TAFA1: variants seen among roughly 807,000 people sequenced by gnomAD.
The protein encoded by TAFA1 is chemokine-like protein TAFA-1.
A neutral mutation model predicts 18.5 loss-of-function variants in TAFA1; 4 were observed. The ratio of observed to expected loss-of-function variants is 0.22; its 90% CI spans 0.11 to 0.49. The LOEUF (loss-of-function observed/expected upper bound fraction) is 0.49. TAFA1 is among the 20% of genes least tolerant of loss of function. TAFA1 has a pLI of 0.98. For synonymous variants in TAFA1, 56 were observed against 55.2 expected, an observed-to-expected ratio of 1.01 and a Z score of -0.06; for missense variants, 147 against 169.0, an observed-to-expected ratio of 0.87 and a Z score of 0.72.
chr3:68,441,202 G>A (rs1275294782), intron 3 of TAFA1, among the ~76,000 whole-genome samples: 2 of 152,160 alleles, frequency 1.3e-5, no homozygotes, highest in Non-Finnish European at 2.9e-5. Context: ...CTGAAAGACT[G>A]CCGGTTTTGA....
intron 2 of TAFA1, among the ~76,000 whole-genome samples, chr3:68,289,293 C>T (rs1041182322): frequency 6.6e-6 from 1 of 152,136 alleles, no homozygotes; most frequent in African/African-American, 2.4e-5. Flanking sequence ...CTTTTGTTGA[C>T]TCTAAGTGCT....
chr3:68,288,011 C>G (rs1489529751), intron 2 of TAFA1, among the ~76,000 whole-genome samples: 1 of 151,736 alleles, frequency 6.6e-6, no homozygotes, highest in Non-Finnish European at 1.5e-5. Context: ...AGGCCACTGT[C>G]CAGGAGCCAT....
intron 2 of TAFA1, among the ~76,000 whole-genome samples, chr3:68,218,430 G>T (rs2066687970): frequency 6.6e-6 from 1 of 152,044 alleles, no homozygotes; most frequent in South Asian, 2.1e-4. Flanking sequence ...TTTCTGGCTT[G>T]TGACTGATTC....
intron 2 of TAFA1, among the ~76,000 whole-genome samples, chr3:68,397,148 T>A (rs186510541): frequency 1.3e-3 from 203 of 152,328 alleles, no homozygotes; most frequent in South Asian, 2.9e-3. Context: ...TTCTTTTTTT[T>A]AAATTTATTG....
At chr3:68,300,418 A>G (rs1353348214) in intron 2 of TAFA1, among the ~76,000 whole-genome samples, 3 of 152,116 alleles carry the variant, frequency 2.0e-5, no homozygotes, top group African/African-American at 7.2e-5. Flanking sequence ...CATTTACCCA[A>G]TGCCGCTACC....
chr3:68,192,260 C>A (rs141972326), intron 2 of TAFA1: 2 of 151,924 alleles, frequency 1.3e-5, no homozygotes, highest in Middle Eastern at 3.4e-3. Context: ...TAAATGAGGT[C>A]TTTTCCCCTC....
chr3:68,214,580 T>C (rs2066632666), intron 2 of TAFA1, among the ~76,000 whole-genome samples: 1 of 152,070 alleles, frequency 6.6e-6, no homozygotes, highest in Non-Finnish European at 1.5e-5. Context: ...TCTTTCTCAC[T>C]GTGTGACTTT....
chr3:68,015,407 C>T (rs1328069479), intron 2 of TAFA1, among the ~76,000 whole-genome samples: 1 of 151,964 alleles, frequency 6.6e-6, no homozygotes, highest in Non-Finnish European at 1.5e-5. Context: ...CTGCCTTAGC[C>T]TCCTGAGTAG....
intron 2 of TAFA1, among the ~76,000 whole-genome samples, chr3:68,046,578 A>G (rs1453276519): frequency 6.6e-6 from 1 of 152,164 alleles, no homozygotes; most frequent in Non-Finnish European, 1.5e-5. Flanking sequence ...AATGTTGGGT[A>G]AGTTGATTCT....
intron 2 of TAFA1, among the ~76,000 whole-genome samples, chr3:68,172,163 G>T (rs543869741): frequency 6.6e-6 from 1 of 152,072 alleles, no homozygotes; most frequent in African/African-American, 2.4e-5. Context: ...ATAAGTCATC[G>T]CCAAACTGTT....
intron 2 of TAFA1, among the ~76,000 whole-genome samples, chr3:68,374,192 G>C (rs952904179): frequency 6.6e-6 from 1 of 152,138 alleles, no homozygotes; most frequent in South Asian, 2.1e-4. Context: ...TAAGAGACCA[G>C]TCAGATGCGT....
At chr3:68,180,452 C>G (rs2066184160) in intron 2 of TAFA1, among the ~76,000 whole-genome samples, 1 of 152,146 alleles carries the variant, frequency 6.6e-6, no homozygotes. Flanking sequence ...TGAACGAGAA[C>G]AGCATCACAC....
At chr3:68,407,432 G>A (rs749731586) in intron 2 of TAFA1, among the ~76,000 whole-genome samples, 8 of 152,120 alleles carry the variant, frequency 5.3e-5, no homozygotes, top group Non-Finnish European at 1.0e-4. Flanking sequence ...AAATAAATAC[G>A]TTGTATTCTA....
rs565603068 is a variant in TAFA1 at position 68,469,654 on chromosome 3, G to A, written c.259+52234G>A. 4.5e-4 allele frequency among the ~76,000 whole-genome samples: 69 copies of A among 152,274 alleles called. 1 individual carries two copies. The highest frequency in any genetic ancestry group is 1.4e-3 in the African/African-American group (57 of 41,562). ...CACCACTGCACTCCAGCCTGGGCAAGAGAGTGAGACTCTGTCTCAAAAAAG... is the reference window on the plus strand; with the variant it reads ...CACCACTGCACTCCAGCCTGGGCAAAAGAGTGAGACTCTGTCTCAAAAAAG... On this transcript the variant is annotated intron_variant, in intron 3 of 4. Transcript: ENST00000478136.
chr3:68,537,532 A>G (rs1189858200), intron 3 of TAFA1, among the ~76,000 whole-genome samples: 3 of 152,092 alleles, frequency 2.0e-5, no homozygotes, highest in Non-Finnish European at 2.9e-5. Context: ...TAGCTGGTAA[A>G]TATTTCTTTT....
intron 3 of TAFA1, among the ~76,000 whole-genome samples, chr3:68,507,215 T>C (rs1443173655): frequency 6.6e-6 from 1 of 152,022 alleles, no homozygotes; most frequent in Non-Finnish European, 1.5e-5. Flanking sequence ...TTAGCTTATT[T>C]TACCATAGAG....
chr3:68,485,605 G>A (rs546972445), intron 3 of TAFA1, among the ~76,000 whole-genome samples: 2 of 152,244 alleles, frequency 1.3e-5, no homozygotes, highest in South Asian at 4.1e-4. Context: ...TAAGCAAATT[G>A]TAGTTACTAT....
At chr3:68,161,553 C>G (rs1321005081) in intron 2 of TAFA1, among the ~76,000 whole-genome samples, 1 of 152,170 alleles carries the variant, frequency 6.6e-6, no homozygotes, top group Non-Finnish European at 1.5e-5. Flanking sequence ...TACCACCTTA[C>G]ATTTTTCCAA....
chr3:68,489,136 A>G (rs538893469), intron 3 of TAFA1, among the ~76,000 whole-genome samples: 1 of 152,360 alleles, frequency 6.6e-6, no homozygotes, highest in Non-Finnish European at 1.5e-5. Flanking sequence ...TAACTCATGC[A>G]TATCCAACTC....
Sources: allele counts gnomAD v4.1 joint callset (sites outside exome capture counted in the v4.1 genomes callset), GRCh38; gene constraint gnomAD v4.1.1; transcripts MANE v1.5; gene names NCBI Gene and HGNC (gene_info 2026-07-23, HGNC 2026-07-21).